Variants in SP140 observed in about 807,000 individuals in gnomAD.
The protein encoded by SP140 is SP140 nuclear body protein.
Under a neutral mutation model 125.0 loss-of-function variants are expected in SP140, and 81 were observed. That is an observed-to-expected ratio of 0.65 (90% CI 0.54 to 0.78). The LOEUF (loss-of-function observed/expected upper bound fraction) is 0.78, where lower values mean the gene tolerates loss of function less well. Ranked by LOEUF, SP140 falls within the 30% of genes least tolerant of loss-of-function variation. The probability of loss-of-function intolerance (pLI) is 0.00; values close to 1 mark genes in which losing one functional copy is unlikely to be tolerated. For missense variants in SP140, 858 were observed against 1,037.0 expected, an observed-to-expected ratio of 0.83 and a Z score of 2.37; for synonymous variants, 312 against 354.0, an observed-to-expected ratio of 0.88 and a Z score of 1.33.
chr2:230,238,805 A>G, intron 3 of SP140: 1 of 1,554,828 alleles, frequency 6.4e-7, no homozygotes, highest in South Asian at 1.2e-5. Context: ...TGTTTCTCCA[A>G]ACAAAGACTG....
At chr2:230,299,201 C>T (rs547376034) in intron 22 of SP140, among the ~76,000 whole-genome samples, 3 of 152,336 alleles carry the variant, frequency 2.0e-5, no homozygotes, top group African/African-American at 7.2e-5. Context: ...GGAAGTCACA[C>T]ACCCTTTAAA....
chr2:230,236,645 C>T (rs1201438928), intron 1 of SP140, among the ~76,000 whole-genome samples: 1 of 152,132 alleles, frequency 6.6e-6, no homozygotes, highest in Non-Finnish European at 1.5e-5. Context: ...CAAGCCCCAC[C>T]CACATTATGG....
In SP140 at chr2:230,259,075, CTGTT is replaced by C. The variant is rs536623977; in HGVS notation, c.1240+3549_1240+3552del. Among the ~76,000 whole-genome samples the C allele has an allele frequency of 4.1e-4, 62 of 151,988 alleles. 1 individual carries two copies. The highest frequency in any genetic ancestry group is 2.9e-3 in the East Asian group (15 of 5,190). On this transcript the variant is annotated intron_variant, in intron 12 of 26. Coordinates refer to ENST00000392045, the MANE Select transcript of SP140 (RefSeq NM_007237.5). ...TGAAGTGATACCCCTAGAGCATGGCCTGTTTGTTTATTTATTTATTTATTTATTT... is the reference window on the plus strand; with the variant it reads ...TGAAGTGATACCCCTAGAGCATGGCCTGTTTATTTATTTATTTATTTATTT...
chr2:230,210,121 G>A (rs991185175), intron 1 of SP140: 18 of 774,904 alleles, frequency 2.3e-5, no homozygotes, highest in Non-Finnish European at 4.0e-5. Context: ...CCAGGGCCGG[G>A]AATCTGCTTG....
intron 22 of SP140, among the ~76,000 whole-genome samples, chr2:230,297,801 G>A (rs2057895304): frequency 6.6e-6 from 1 of 152,164 alleles, no homozygotes; most frequent in African/African-American, 2.4e-5. Context: ...TAGGGGGAAG[G>A]AACAAATGTG....
rs949080172 is a variant in SP140, at chr2:230,290,545, T to G, written c.1806T>G (p.His602Gln). Reference sequence around the variant, plus strand: ...GTGGTGGGGTGAAGGGAATTTTACATAAGAAGAAATTGCAGCAAGGTAGGT... The same window carrying G: ...GTGGTGGGGTGAAGGGAATTTTACAGAAGAAGAAATTGCAGCAAGGTAGGT... ...VTCGGVKGILHKKKLQQGILV... is the reference protein window; with the variant it reads ...VTCGGVKGILQKKKLQQGILV... The change falls in exon 19 of 27, where the codon CAT becomes CAG. Residue 602 changes from histidine to glutamine, a missense_variant. Coordinates refer to ENST00000392045, the MANE Select transcript of SP140 (RefSeq NM_007237.5). 6.2e-7 allele frequency: 1 copy of G among 1,613,434 alleles called. No individual in the cohort carries two copies. The highest frequency in any genetic ancestry group is 8.5e-7 in the Non-Finnish European group (1 of 1,179,738).
intron 3 of SP140, chr2:230,238,866 G>T (rs763939882): frequency 1.3e-6 from 2 of 1,552,432 alleles, no homozygotes; most frequent in Non-Finnish European, 1.7e-6. Context: ...AGGAGGAGCT[G>T]CATGTGAAAG....
intron 3 of SP140, among the ~76,000 whole-genome samples, chr2:230,214,586 A>G (rs571539182): frequency 6.6e-6 from 1 of 152,334 alleles, no homozygotes; most frequent in Admixed American, 6.5e-5. Flanking sequence ...ATCCGTCCAC[A>G]TTCATTTTTT....
At chr2:230,296,073 T>C (rs1027056621) in intron 21 of SP140, among the ~76,000 whole-genome samples, 3 of 100,358 alleles carry the variant, frequency 3.0e-5, no homozygotes, top group Admixed American at 2.6e-4. Context: ...ATACCATCTC[T>C]ACCAAAAAAA....
Position 230,300,284 on chromosome 2 carries a change from G to C in SP140, c.2058+2822G>C, listed in dbSNP as rs544054681. 7.4e-4 allele frequency among the ~76,000 whole-genome samples: 113 copies of C among 152,246 alleles called. 1 individual carries two copies. Among genetic ancestry groups the C allele is most frequent in the African/African-American group, 2.5e-3 (103 of 41,534 alleles). ...TAATTATACTGCCTGTAACATCCTG[G>C]CTAACCAAAGATCCTGAGTCTGTCC... On this transcript the variant is annotated intron_variant, in intron 22 of 26. Coordinates refer to ENST00000392045, the MANE Select transcript of SP140 (RefSeq NM_007237.5).
Position 230,287,922 on chromosome 2 carries a change from T to G in SP140, c.1676T>G (p.Phe559Cys). The G allele has an allele frequency of 6.2e-7, 1 of 1,612,374 alleles. No individual in the cohort carries two copies. The highest frequency in any genetic ancestry group is 8.5e-7 in the Non-Finnish European group (1 of 1,179,740). Residue 559 changes from phenylalanine (F) to cysteine (C), a missense_variant, in exon 18 of 27, where the codon TTC (phenylalanine) becomes TGC (cysteine). Coordinates refer to ENST00000392045, the MANE Select transcript of SP140 (RefSeq NM_007237.5). ...AAGAGAGGCAAACCTGGAACCCGCT[T>G]CACTCAGAGTGACAGAGCTGCACAG... ...GRKRGKPGTR[F>C]TQSDRAAQKR... is the part of the protein sequence containing the mutation.
chr2:230,250,911 C>G, intron 9 of SP140, 70 bp from the exon 10 acceptor site: 1 of 1,567,328 alleles, frequency 6.4e-7, no homozygotes, highest in Middle Eastern at 1.7e-4. Context: ...CTAGGAGATA[C>G]TTCAGCTTCC....
At chr2:230,261,333 C>G (rs533173530) in intron 12 of SP140, among the ~76,000 whole-genome samples, 1 of 152,236 alleles carries the variant, frequency 6.6e-6, no homozygotes, top group South Asian at 2.1e-4. Context: ...ATTCTTTTAT[C>G]AGTTCTAGGA....
chr2:230,199,566 C>T (rs183405908), upstream of SP140, among the ~76,000 whole-genome samples: 14 of 151,896 alleles, frequency 9.2e-5, no homozygotes, highest in African/African-American at 3.4e-4. Flanking sequence ...AGGAACTTTT[C>T]TATGTTGAAA....
At chr2:230,268,504 G>A (rs1168303663) in intron 12 of SP140, among the ~76,000 whole-genome samples, 3 of 149,430 alleles carry the variant, frequency 2.0e-5, no homozygotes, top group East Asian at 2.0e-4. Context: ...CAGCCTGGGC[G>A]ACAAGAGTGA....
At chr2:230,200,747 GA>G (rs201134486), upstream of SP140, 31 of 709,094 alleles carry the variant, frequency 4.4e-5, no homozygotes, top group African/African-American at 1.1e-4. Context: ...TCTTGATTAA[GA>G]AAAAAAAATC....
At chr2:230,216,773 T>C (rs1225901002) in intron 3 of SP140, 6 of 1,613,770 alleles carry the variant, frequency 3.7e-6, no homozygotes. Context: ...GGGTTCAACA[T>C]GACTCACCAT....
intron 9 of SP140, 54 bp from the exon 10 acceptor site, chr2:230,250,927 C>G (rs1431574262): frequency 1.3e-6 from 2 of 1,598,348 alleles, no homozygotes; most frequent in Non-Finnish European, 1.7e-6. Flanking sequence ...CTTCCCACGT[C>G]TTCACTAAGT....
chr2:230,316,549 T>G (rs570759111), downstream of SP140, among the ~76,000 whole-genome samples: 94 of 152,350 alleles, frequency 6.2e-4, 1 homozygote, highest in African/African-American at 2.1e-3. Flanking sequence ...CATTGTCACA[T>G]CAATAAATAC....
Sources: allele counts gnomAD v4.1 joint callset (sites outside exome capture counted in the v4.1 genomes callset), GRCh38; gene constraint gnomAD v4.1.1; transcripts MANE v1.5; gene names NCBI Gene and HGNC (gene_info 2026-07-23, HGNC 2026-07-21).